The following UTRN variants were observed in gnomAD, a reference collection of about 807,000 sequenced individuals.
UTRN encodes the protein dystrophin-related protein 1.
Under a neutral mutation model 463.9 loss-of-function variants are expected in UTRN, and 283 were observed. The observed-to-expected ratio is 0.61, with a 90% CI of 0.55 to 0.67. The LOEUF (loss-of-function observed/expected upper bound fraction) is 0.67, where lower values mean the gene tolerates loss of function less well. UTRN is among the 30% of genes least tolerant of loss of function. The pLI, the probability that UTRN is intolerant of heterozygous loss-of-function variation, is 0.00. For synonymous variants in UTRN, 1,442 were observed against 1,431.5 expected, an observed-to-expected ratio of 1.01 and a Z score of -0.17; for missense variants, 3,922 against 4,084.3, an observed-to-expected ratio of 0.96 and a Z score of 1.08.
At chr6:144,433,135 T>C (rs1375133688) in intron 9 of UTRN, among the ~76,000 whole-genome samples, 30 of 152,036 alleles carry the variant, frequency 2.0e-4, no homozygotes, top group Non-Finnish European at 3.5e-4. Context: ...TTTCCCCACC[T>C]TTCCCCCCTT....
At chr6:144,676,152 T>C (rs1055028966) in intron 51 of UTRN, among the ~76,000 whole-genome samples, 1 of 152,044 alleles carries the variant, frequency 6.6e-6, no homozygotes, top group African/African-American at 2.4e-5. Flanking sequence ...AGTGGGATAA[T>C]ATTTTCTTTT....
intron 53 of UTRN, among the ~76,000 whole-genome samples, chr6:144,712,648 A>G (rs551630461): frequency 6.6e-5 from 10 of 152,326 alleles, no homozygotes; most frequent in African/African-American, 2.2e-4. Context: ...TATTTTTGCA[A>G]TCATGGAGCT....
chr6:144,797,190 T>A (rs1285890028), intron 63 of UTRN, among the ~76,000 whole-genome samples: 9 of 58,668 alleles, frequency 1.5e-4, no homozygotes, highest in African/African-American at 7.6e-4. Context: ...TTAGATGAAA[T>A]TTTTTTTTTT....
intron 52 of UTRN, among the ~76,000 whole-genome samples, chr6:144,693,382 T>C (rs764040754): frequency 7.2e-5 from 11 of 152,318 alleles, no homozygotes; most frequent in Non-Finnish European, 1.5e-4. Context: ...GTGCTCTTTT[T>C]TGGTTTCATA....
intron 51 of UTRN, among the ~76,000 whole-genome samples, chr6:144,660,574 A>T (rs1779772363): frequency 1.3e-5 from 2 of 152,190 alleles, no homozygotes; most frequent in Admixed American, 1.3e-4. Context: ...TGGAGAAAAA[A>T]AAAAGAAAAT....
chr6:144,401,051 C>T (rs932593445), intron 2 of UTRN, among the ~76,000 whole-genome samples: 2 of 152,074 alleles, frequency 1.3e-5, no homozygotes, highest in East Asian at 3.8e-4. Context: ...AAGTTAAATG[C>T]TCCGGAAACA....
chr6:144,576,269 C>G (rs1801424635), intron 50 of UTRN, among the ~76,000 whole-genome samples: 1 of 152,012 alleles, frequency 6.6e-6, no homozygotes, highest in East Asian at 1.9e-4. Flanking sequence ...ATTTAAATAC[C>G]TAGGAGTGAA....
intron 6 of UTRN, among the ~76,000 whole-genome samples, chr6:144,424,320 C>A (rs1785105844): frequency 6.6e-6 from 1 of 152,168 alleles, no homozygotes; most frequent in South Asian, 2.1e-4. Flanking sequence ...GGTTTGTCTG[C>A]AATTTTTGCA....
intron 38 of UTRN, 121 bp downstream of exon 38, chr6:144,516,508 G>T: frequency 8.6e-7 from 1 of 1,166,870 alleles, no homozygotes. Flanking sequence ...ATTCAAATGT[G>T]ATTTTTTGAT....
chr6:144,465,284 T>C (rs1436251885), intron 23 of UTRN, among the ~76,000 whole-genome samples: 1 of 152,226 alleles, frequency 6.6e-6, no homozygotes, highest in Non-Finnish European at 1.5e-5. Context: ...ACTATTTCAA[T>C]ATGGAGCTTA....
At chr6:144,487,462 G>A (rs1792576097) in intron 28 of UTRN, 86 bp from the exon 29 acceptor site, 1 of 1,321,876 alleles carries the variant, frequency 7.6e-7, no homozygotes, top group South Asian at 2.1e-5. Flanking sequence ...ATAATTACTT[G>A]TTTAACAAAT....
intron 50 of UTRN, among the ~76,000 whole-genome samples, chr6:144,558,109 G>T (rs572030564): frequency 1.3e-5 from 2 of 152,120 alleles, no homozygotes; most frequent in African/African-American, 2.4e-5. Flanking sequence ...TGAATAAAAT[G>T]GGTATTAGAG....
At chr6:144,387,642 C>T (rs537144570) in intron 2 of UTRN, among the ~76,000 whole-genome samples, 1 of 152,172 alleles carries the variant, frequency 6.6e-6, no homozygotes, top group East Asian at 1.9e-4. Context: ...TTTTTCACTT[C>T]CAAGTGGAAA....
At chr6:144,764,477 A>G (rs931460931) in intron 58 of UTRN, among the ~76,000 whole-genome samples, 4 of 152,038 alleles carry the variant, frequency 2.6e-5, no homozygotes, top group Non-Finnish European at 5.9e-5. Flanking sequence ...AGATTACCCA[A>G]CTCTATTGCA....
intron 54 of UTRN, among the ~76,000 whole-genome samples, chr6:144,737,934 C>A (rs896326428): frequency 1.3e-5 from 2 of 151,976 alleles, no homozygotes; most frequent in Non-Finnish European, 2.9e-5. Context: ...AAGCAACTTT[C>A]ATATTCATTC....
Position 144,482,184 on chromosome 6 carries a change from GTTCATCCATCCT to G in UTRN, c.3508-21_3508-10del. On this transcript the variant is annotated splice_polypyrimidine_tract_variant and intron_variant, in intron 26 of 74. Coordinates refer to ENST00000367545, the MANE Select transcript of UTRN (RefSeq NM_007124.3). ...ACTGAGAAAGGGAGACGTTTTTCAA[GTTCATCCATCCT>G]TTCTTGGAACAGAGGGCAAAAGAGG... The G allele has an allele frequency of 7.1e-7, 1 of 1,407,646 alleles. No individual in the cohort carries two copies. The highest frequency in any genetic ancestry group is 9.3e-7 in the Non-Finnish European group (1 of 1,070,696). The allele number at this position is 1,407,646 out of a possible 1,614,324, so 87.2% of individuals were successfully genotyped here.
chr6:144,592,968 A>T (rs535281869), intron 51 of UTRN, among the ~76,000 whole-genome samples: 3 of 152,308 alleles, frequency 2.0e-5, no homozygotes, highest in African/African-American at 7.2e-5. Flanking sequence ...GGATGCAACA[A>T]ATACAGTATA....
intron 60 of UTRN, among the ~76,000 whole-genome samples, chr6:144,775,289 T>C (rs1226529602): frequency 6.6e-6 from 1 of 152,064 alleles, no homozygotes; most frequent in Non-Finnish European, 1.5e-5. Context: ...GAAAGAGAGG[T>C]ATAATGTCAT....
intron 65 of UTRN, among the ~76,000 whole-genome samples, chr6:144,803,546 C>T (rs868866307): frequency 3.9e-5 from 6 of 152,016 alleles, no homozygotes; most frequent in South Asian, 2.1e-4. Context: ...GAATAAACTA[C>T]CTTCTAATTT....
Sources: allele counts gnomAD v4.1 joint callset (sites outside exome capture counted in the v4.1 genomes callset), GRCh38; gene constraint gnomAD v4.1.1; transcripts MANE v1.5; gene names NCBI Gene and HGNC (gene_info 2026-07-23, HGNC 2026-07-21).